Variants in CTNNAL1 observed in about 807,000 individuals in gnomAD.
The protein encoded by CTNNAL1 is alpha-catulin.
CTNNAL1 carries 69 observed loss-of-function variants against 93.6 expected under a neutral mutation model. The observed-to-expected ratio is 0.74, with a 90% CI of 0.61 to 0.90. CTNNAL1 has a LOEUF of 0.90. Among genes scored for constraint, CTNNAL1 ranks in the 40% least tolerant of loss-of-function variants. The probability of loss-of-function intolerance (pLI) is 0.00; values close to 1 mark genes in which losing one functional copy is unlikely to be tolerated. For synonymous variants in CTNNAL1, 286 were observed against 305.4 expected (o/e 0.94, Z 0.66); for missense variants, 836 against 862.0 (o/e 0.97, Z 0.38).
At chr9:108,973,460 G>T (rs993044742) in intron 8 of CTNNAL1, among the ~76,000 whole-genome samples, 2 of 152,142 alleles carry the variant, frequency 1.3e-5, no homozygotes, top group African/African-American at 2.4e-5. Context: ...TGACAAGTAG[G>T]ACACAACCCC....
Position 108,971,080 on chromosome 9 carries a change from T to C in CTNNAL1, c.1348-586A>G, listed in dbSNP as rs182837405. On this transcript the variant is annotated intron_variant, in intron 9 of 18. Transcript: ENST00000325551. ...GCTGCAAGATTCCTAAAATAAGCAG[T>C]TTCCCTATAGTTATAATATTTGGTT... is the stretch of plus-strand genomic sequence containing the variant. Among the ~76,000 whole-genome samples, 36 of 152,308 alleles carry C rather than the reference T, an allele frequency of 2.4e-4. No homozygotes were observed. The East Asian group carries it at 6.5e-3, about 28-fold the overall frequency.
intron 1 of CTNNAL1, among the ~76,000 whole-genome samples, chr9:109,000,995 T>A: frequency 7.4e-6 from 1 of 134,550 alleles, no homozygotes; most frequent in African/African-American, 2.6e-5. Context: ...ACCCCATCTG[T>A]ACTAAAAATA....
At chr9:108,960,967 G>A (rs1026612632) in intron 11 of CTNNAL1, among the ~76,000 whole-genome samples, 1 of 152,146 alleles carries the variant, frequency 6.6e-6, no homozygotes, top group Admixed American at 6.5e-5. Flanking sequence ...TGGGGTTAAG[G>A]TGGACAATGA....
rs1830286823 is a variant in CTNNAL1, at chr9:108,942,954, A to G, written c.2139+7T>C. On this transcript the variant is annotated splice_region_variant and intron_variant, in intron 18 of 18. Coordinates refer to ENST00000325551, the MANE Select transcript of CTNNAL1 (RefSeq NM_003798.4). ...AGTATGAGTCTAAAATAGAAAAACT[A>G]CCTCACCTTCTTCAGCAGTTTATAA... 6.2e-7 allele frequency: 1 copy of G among 1,611,430 alleles called. No individual in the cohort carries two copies.
At chr9:108,951,104 G>A (rs1331486992) in intron 14 of CTNNAL1, among the ~76,000 whole-genome samples, 1 of 151,824 alleles carries the variant, frequency 6.6e-6, no homozygotes, top group South Asian at 2.1e-4. Flanking sequence ...TCCACCTCCC[G>A]GTTTCACGCC....
intron 11 of CTNNAL1, among the ~76,000 whole-genome samples, chr9:108,961,667 CACAT>C (rs1337940184): frequency 6.6e-6 from 1 of 152,098 alleles, no homozygotes; most frequent in African/African-American, 2.4e-5. Context: ...CCACAGTGCT[CACAT>C]AGTCTGAAAA....
At chr9:108,972,865 A>ACCC in intron 8 of CTNNAL1, 32 bp from the exon 9 acceptor site, 14 of 219,250 alleles carry the variant, frequency 6.4e-5, no homozygotes, top group East Asian at 1.4e-4. Flanking sequence ...GGGGGGTGGG[A>ACCC]GGGTGGAGAA....
At chr9:108,976,694 C>G (rs1831277513) in intron 8 of CTNNAL1, among the ~76,000 whole-genome samples, 1 of 152,062 alleles carries the variant, frequency 6.6e-6, no homozygotes, top group Non-Finnish European at 1.5e-5. Flanking sequence ...CCACACCTGG[C>G]TAATCTTTTG....
chr9:108,972,864 G>GGGGGGGGGGGGGGGGGCCCCCCCCCCC, intron 8 of CTNNAL1, 31 bp from the exon 9 acceptor site: 6 of 142,564 alleles, frequency 4.2e-5, no homozygotes, highest in East Asian at 2.2e-4. Flanking sequence ...GGGGGGGTGG[G>GGGGGGGGGGGGGGGGGCCCCCCCCCCC]AGGGTGGAGA....
At position 108,950,828 on chromosome 9, in the gene CTNNAL1, C is replaced by A. The variant is rs916407735; in HGVS notation, c.1835+1381G>T. 40 of 462,282 alleles carry A rather than the reference C, an allele frequency of 8.7e-5. No individual in the cohort carries two copies. The South Asian group carries it at 1.5e-3, about 17-fold the overall frequency. The allele number at this position is 462,282 out of a possible 1,614,324, so 28.6% of individuals were successfully genotyped here. A position where few individuals can be genotyped will look rare whatever the true frequency, so the allele number is the denominator to read the frequency against. On this transcript the variant is annotated intron_variant, in intron 14 of 18. Transcript: ENST00000325551. Reference sequence around the variant, plus strand: ...TGTGTTTTATAGAGATACATTGTGTCCCTATGAGGTAAGACTTTGTAATTC... The same window carrying A: ...TGTGTTTTATAGAGATACATTGTGTACCTATGAGGTAAGACTTTGTAATTC...
intron 11 of CTNNAL1, among the ~76,000 whole-genome samples, chr9:108,963,280 A>G (rs1283150268): frequency 6.6e-6 from 1 of 152,222 alleles, no homozygotes; most frequent in Non-Finnish European, 1.5e-5. Flanking sequence ...TGCTGGTAGA[A>G]CAGCCCGATT....
At chr9:108,979,233 G>A (rs1204209172) in intron 7 of CTNNAL1, 48 bp downstream of exon 7, 3 of 1,605,996 alleles carry the variant, frequency 1.9e-6, no homozygotes, top group Non-Finnish European at 2.6e-6. Context: ...AAACTTTATG[G>A]GAAAGCCATT....
intron 1 of CTNNAL1, among the ~76,000 whole-genome samples, chr9:109,010,043 T>A (rs773593201): frequency 6.6e-6 from 1 of 152,194 alleles, no homozygotes; most frequent in Non-Finnish European, 1.5e-5. Flanking sequence ...TATTATTTTT[T>A]AAAGACAGGG....
intron 8 of CTNNAL1, among the ~76,000 whole-genome samples, chr9:108,976,562 A>G (rs1831271832): frequency 6.6e-6 from 1 of 151,602 alleles, no homozygotes; most frequent in Non-Finnish European, 1.5e-5. Flanking sequence ...ACACAGTCTC[A>G]CTCTGGCACC....
intron 1 of CTNNAL1, among the ~76,000 whole-genome samples, chr9:109,007,602 A>T (rs949327375): frequency 1.3e-5 from 2 of 152,210 alleles, no homozygotes; most frequent in African/African-American, 4.8e-5. Context: ...TTATTAAAGG[A>T]GGTGGGGAGG....
At chr9:109,007,222 G>A (rs556026408) in intron 1 of CTNNAL1, among the ~76,000 whole-genome samples, 17 of 151,836 alleles carry the variant, frequency 1.1e-4, no homozygotes, top group South Asian at 2.1e-4. Context: ...GTGACAGAGC[G>A]AGACTCCATC....
rs1247057506 is a variant in CTNNAL1, at chr9:109,013,321, A to G, written c.122T>C (p.Leu41Pro). 2 of 1,511,398 alleles carry G rather than the reference A, an allele frequency of 1.3e-6. No individual in the cohort carries two copies. The highest frequency in any genetic ancestry group is 1.2e-5 in the South Asian group (1 of 80,102). The allele number at this position is 1,511,398 out of a possible 1,614,324, so 93.6% of individuals were successfully genotyped here. The stretch of plus-strand genomic sequence containing the variant: ...CTTTACCTGAGAAACCAGCGGGAGT[A>G]GCGTCTGCTCCACCGAGCGAGTTTT... ...EIKTRSVEQT[L>P]LPLVSQITTL... The change falls in exon 1 of 19, where the codon CTA (leucine) becomes CCA (proline). Residue 41 changes from leucine (L) to proline (P), a missense_variant. Coordinates refer to ENST00000325551, the MANE Select transcript of CTNNAL1 (RefSeq NM_003798.4).
intron 8 of CTNNAL1, 32 bp from the exon 9 acceptor site, chr9:108,972,865 A>ACTT: frequency 4.6e-6 from 1 of 219,282 alleles, no homozygotes; most frequent in Non-Finnish European, 6.2e-6. Context: ...GGGGGGTGGG[A>ACTT]GGGTGGAGAA....
chr9:108,994,420 T>C (rs537293960), intron 2 of CTNNAL1, among the ~76,000 whole-genome samples: 15 of 152,080 alleles, frequency 9.9e-5, no homozygotes, highest in African/African-American at 3.1e-4. Flanking sequence ...ACCTGACCAA[T>C]GATAAGAAGG....
Sources: allele counts gnomAD v4.1 joint callset (sites outside exome capture counted in the v4.1 genomes callset), GRCh38; gene constraint gnomAD v4.1.1; transcripts MANE v1.5; gene names NCBI Gene and HGNC (gene_info 2026-07-23, HGNC 2026-07-21).